TMEM132D: variants seen among roughly 807,000 people sequenced by gnomAD.
TMEM132D encodes mature OL transmembrane protein.
A neutral mutation model predicts 62.3 loss-of-function variants in TMEM132D; 21 were observed. The observed-to-expected ratio is 0.34, with a 90% CI of 0.24 to 0.49. The LOEUF is 0.49. TMEM132D is among the 20% of genes least tolerant of loss of function. The pLI is 0.99. For missense variants in TMEM132D, 1,346 were observed against 1,402.8 expected, an observed-to-expected ratio of 0.96 and a Z score of 0.65; for synonymous variants, 621 against 575.6, an observed-to-expected ratio of 1.08 and a Z score of -1.13.
intron 3 of TMEM132D, among the ~76,000 whole-genome samples, chr12:129,424,229 T>G (rs1566064192): frequency 6.6e-6 from 1 of 151,612 alleles, no homozygotes; most frequent in South Asian, 2.1e-4. Flanking sequence ...CTATGACAAA[T>G]ATCGCATGAG....
chr12:129,124,168 G>A (rs963376721), intron 5 of TMEM132D, among the ~76,000 whole-genome samples: 4 of 152,044 alleles, frequency 2.6e-5, no homozygotes, highest in African/African-American at 9.7e-5. Flanking sequence ...GGAGGGCTCC[G>A]TGGCTCCCAT....
intron 3 of TMEM132D, among the ~76,000 whole-genome samples, chr12:129,480,977 G>T (rs868335726): frequency 7.2e-5 from 11 of 152,050 alleles, no homozygotes; most frequent in African/African-American, 2.7e-4. Flanking sequence ...AAACATGGCG[G>T]ATGAACACTA....
chr12:129,563,401 G>A (rs1020602943), intron 2 of TMEM132D, among the ~76,000 whole-genome samples: 2 of 152,152 alleles, frequency 1.3e-5, no homozygotes, highest in Admixed American at 6.5e-5. Flanking sequence ...GTGCATAGCT[G>A]AGGATATAGA....
chr12:129,807,874 T>C (rs1478010647), intron 1 of TMEM132D, among the ~76,000 whole-genome samples: 1 of 152,208 alleles, frequency 6.6e-6, no homozygotes, highest in Non-Finnish European at 1.5e-5. Context: ...GATGGCGCCC[T>C]GGCTTAGTAT....
intron 2 of TMEM132D, among the ~76,000 whole-genome samples, chr12:129,663,814 G>A (rs146319022): frequency 4.8e-4 from 73 of 152,234 alleles, no homozygotes; most frequent in Non-Finnish European, 8.2e-4. Context: ...CACAAAATAC[G>A]CTGCTTTGCA....
chr12:129,084,787 C>T (rs559229903), intron 5 of TMEM132D, 85 bp from the exon 6 acceptor site: 2 of 1,370,474 alleles, frequency 1.5e-6, no homozygotes, highest in South Asian at 1.4e-5. Context: ...AGGGAAGTGC[C>T]CTGGCTGGTG....
intron 7 of TMEM132D, 40 bp downstream of exon 7, chr12:129,081,719 A>G: frequency 6.5e-7 from 1 of 1,535,684 alleles, no homozygotes; most frequent in East Asian, 2.3e-5. Flanking sequence ...GTGGGAAGAC[A>G]GAGAGATCTT....
chr12:129,246,185 C>A (rs1190396693), intron 4 of TMEM132D, among the ~76,000 whole-genome samples: 1 of 152,164 alleles, frequency 6.6e-6, no homozygotes, highest in East Asian at 1.9e-4. Context: ...TCTTGAGTCA[C>A]AAGAACAGAA....
intron 2 of TMEM132D, among the ~76,000 whole-genome samples, chr12:129,537,638 T>G (rs1876435482): frequency 6.6e-6 from 1 of 152,188 alleles, no homozygotes; most frequent in African/African-American, 2.4e-5. Flanking sequence ...TGCAACCCAT[T>G]TTTGCTGTCT....
At chr12:129,810,145 T>G (rs1345509505) in intron 1 of TMEM132D, among the ~76,000 whole-genome samples, 1 of 152,116 alleles carries the variant, frequency 6.6e-6, no homozygotes. Flanking sequence ...CACTAGCATT[T>G]TTATTAAGAA....
chr12:129,277,737 T>C lies in TMEM132D; in HGVS notation c.1299+59897A>G, dbSNP rs796691213. 2.0e-5 allele frequency among the ~76,000 whole-genome samples: 3 copies of C among 152,336 alleles called. No individual in the cohort carries two copies. The highest frequency in any genetic ancestry group is 7.2e-5 in the African/African-American group (3 of 41,582). Reference sequence around the variant, plus strand: ...TATCATATGAAGAAAAAAACAACTTTTCCAGGAAGCCTCATAGATTCTCCG... The same window carrying C: ...TATCATATGAAGAAAAAAACAACTTCTCCAGGAAGCCTCATAGATTCTCCG... On this transcript the variant is annotated intron_variant, in intron 4 of 8. Transcript: ENST00000422113. This position sits in a 1 kb window ranked among gnomAD's most constrained non-coding sequence, Gnocchi z 4.2.
At position 129,899,276 on chromosome 12, in the gene TMEM132D, G is replaced by GATGGATGC. The variant is rs1357084290; in HGVS notation, c.79+3984_79+3985insGCATCCAT. Among the ~76,000 whole-genome samples the GATGGATGC allele has an allele frequency of 3.1e-4, 35 of 113,148 alleles. 2 individuals are homozygous for GATGGATGC. The highest frequency in any genetic ancestry group is 6.0e-4 in the Non-Finnish European group (31 of 51,508). The allele number at this position is 113,148 out of a possible 152,430, so 74.2% of individuals were successfully genotyped here. On this transcript the variant is annotated intron_variant, in intron 1 of 8. Transcript: ENST00000422113. The stretch of plus-strand genomic sequence containing the variant: ...GCACGGATGGATGGATGGATGGATG[G>GATGGATGC]ATGCATGGATGGATGGATGGATGCA...
chr12:129,446,333 T>C (rs902345525), intron 3 of TMEM132D, among the ~76,000 whole-genome samples: 2 of 152,158 alleles, frequency 1.3e-5, no homozygotes, highest in Admixed American at 1.3e-4. Context: ...TGCAGAATAT[T>C]GATGTCAGGC....
chr12:129,682,881 A>AAAG (rs1555225323), intron 2 of TMEM132D: 21 of 150,290 alleles, frequency 1.4e-4, no homozygotes, highest in South Asian at 8.7e-4. Context: ...AAAAAAAAAA[A>AAAG]AGAGACTTAC....
At chr12:129,383,694 C>A (rs1871020849) in intron 3 of TMEM132D, among the ~76,000 whole-genome samples, 1 of 152,218 alleles carries the variant, frequency 6.6e-6, no homozygotes, top group African/African-American at 2.4e-5. Context: ...CTGCCTTGGC[C>A]TCTTAAAGTG....
intron 4 of TMEM132D, among the ~76,000 whole-genome samples, chr12:129,292,408 T>C (rs1398739435): frequency 6.6e-6 from 1 of 152,198 alleles, no homozygotes; most frequent in Non-Finnish European, 1.5e-5. Context: ...GAGGGAGCTA[T>C]GCAAGCCCTT....
chr12:129,846,186 C>T (rs1370229849), intron 1 of TMEM132D, among the ~76,000 whole-genome samples: 1 of 152,188 alleles, frequency 6.6e-6, no homozygotes, highest in African/African-American at 2.4e-5. Flanking sequence ...CTAAGTTTAT[C>T]TAATTATTAC....
chr12:129,374,888 A>G (rs1470239038), intron 3 of TMEM132D, among the ~76,000 whole-genome samples: 1 of 152,022 alleles, frequency 6.6e-6, no homozygotes, highest in African/African-American at 2.4e-5. Flanking sequence ...CCTTAAGGTC[A>G]CTCCTTGGAG....
chr12:129,637,873 T>A (rs1190434225), intron 2 of TMEM132D, among the ~76,000 whole-genome samples: 1 of 152,074 alleles, frequency 6.6e-6, no homozygotes, highest in East Asian at 1.9e-4. Context: ...TAGAACTCAC[T>A]CACCCACTCA....
Sources: allele counts gnomAD v4.1 joint callset (sites outside exome capture counted in the v4.1 genomes callset), GRCh38; gene constraint gnomAD v4.1.1; non-coding constraint Gnocchi (gnomAD v3.1); transcripts MANE v1.5; gene names NCBI Gene and HGNC (gene_info 2026-07-23, HGNC 2026-07-21).